NAV1: variants seen among roughly 807,000 people sequenced by gnomAD.
The protein encoded by NAV1 is neuron navigator 1, also known as pore membrane and/or filament interacting like protein 3.
Under a neutral mutation model 175.2 loss-of-function variants are expected in NAV1, and 18 were observed. That is an observed-to-expected ratio of 0.10 (90% confidence interval 0.07 to 0.15). The LOEUF (loss-of-function observed/expected upper bound fraction) is 0.15. Ranked by LOEUF, NAV1 falls within the 10% of genes least tolerant of loss-of-function variation. NAV1 has a pLI of 1.00. For synonymous variants in NAV1, 897 were observed against 978.7 expected, an observed-to-expected ratio of 0.92 and a Z score of 1.56; for missense variants, 1,731 against 2,436.6, an observed-to-expected ratio of 0.71 and a Z score of 6.10.
chr1:201,592,975 C>T (rs1232809625), intron 2 of NAV1, among the ~76,000 whole-genome samples: 2 of 152,120 alleles, frequency 1.3e-5, no homozygotes, highest in South Asian at 2.1e-4. Context: ...CTCCCTGTTC[C>T]TGATTACTGG....
intron 2 of NAV1, among the ~76,000 whole-genome samples, chr1:201,604,448 G>A (rs1282802698): frequency 2.0e-5 from 3 of 152,194 alleles, no homozygotes; most frequent in Non-Finnish European, 4.4e-5. Context: ...GGAGGCCGAG[G>A]TGGATAGTAG....
intron 1 of NAV1, among the ~76,000 whole-genome samples, chr1:201,684,998 C>T (rs186145186): frequency 4.7e-5 from 7 of 149,024 alleles, no homozygotes; most frequent in East Asian, 2.0e-4. Context: ...CAGTTCTGGC[C>T]GGGCGCGGTG....
At chr1:201,757,001 G>A (rs1674554533) in intron 3 of NAV1, among the ~76,000 whole-genome samples, 1 of 152,076 alleles carries the variant, frequency 6.6e-6, no homozygotes, top group Non-Finnish European at 1.5e-5. Context: ...TGGCATAGGA[G>A]TATGTTAAAG....
chr1:201,611,836 G>A (rs770718482), intron 2 of NAV1, among the ~76,000 whole-genome samples: 7 of 152,168 alleles, frequency 4.6e-5, no homozygotes, highest in Non-Finnish European at 7.3e-5. Context: ...TGGGAAATGG[G>A]CCAAAGGCGA....
chr1:201,616,007 G>GT (rs141764383), intron 2 of NAV1, among the ~76,000 whole-genome samples: 13,679 of 148,606 alleles, frequency 0.092, 788 homozygotes, highest in African/African-American at 0.17. Context: ...GAAAAAGAAG[G>GT]TTTTTTTTTT....
chr1:201,702,124 T>C lies in NAV1; in HGVS notation c.758-10693T>C, dbSNP rs575101656. ...GTTGTGCTAAGTGGAAGAAGCCAGA[T>C]GCAAAAGGCCACATATTGCATGATT... is the stretch of plus-strand genomic sequence containing the variant. On this transcript the variant is annotated intron_variant, in intron 1 of 29. Coordinates refer to ENST00000367296, the Ensembl canonical transcript of NAV1. Among the ~76,000 whole-genome samples, 28 of 152,306 alleles carry C rather than the reference T, an allele frequency of 1.8e-4. 1 individual carries two copies. In the East Asian group the frequency reaches 5.2e-3, roughly 28 times the overall value.
chr1:201,685,393 A>G (rs1161207486), intron 1 of NAV1, among the ~76,000 whole-genome samples: 2 of 152,210 alleles, frequency 1.3e-5, no homozygotes, highest in Admixed American at 6.5e-5. Context: ...CAGCCCCATC[A>G]CAGATGTGCA....
intron 1 of NAV1, among the ~76,000 whole-genome samples, chr1:201,700,615 A>G (rs1004497102): frequency 2.0e-5 from 3 of 152,220 alleles, no homozygotes; most frequent in African/African-American, 7.2e-5. Flanking sequence ...AAATCATGCT[A>G]CTATAAAGAC....
Position 201,788,521 on chromosome 1 carries a change from A to T in NAV1, c.3049A>T (p.Thr1017Ser), listed in dbSNP as rs577756420. 1.9e-6 allele frequency: 3 copies of T among 1,613,552 alleles called. No homozygotes were observed. In the East Asian group the frequency reaches 6.7e-5, roughly 36 times the overall value. ...AATCACCCGCTCCAACAGCATCCCC[A>T]CCCACGAGGCGGCCTTCGAGCTGTA... The change falls in exon 10 of 30, where the codon ACC (threonine) becomes TCC (serine). Residue 1017 changes from threonine to serine, a missense_variant. By Grantham distance (58) the Thr-to-Ser change is moderately conservative. This residue lies in a region of NAV1 where 634 missense variants were observed against 766.8 expected (regional missense o/e 0.83). Coordinates refer to ENST00000367296, the Ensembl canonical transcript of NAV1. This position sits in a 1 kb window ranked among gnomAD's most constrained non-coding sequence, Gnocchi z 5.7.
At chr1:201,587,115 G>A (rs536287846) in intron 1 of NAV1, among the ~76,000 whole-genome samples, 2 of 152,218 alleles carry the variant, frequency 1.3e-5, no homozygotes, top group Non-Finnish European at 2.9e-5. Flanking sequence ...GGAAGCTGAG[G>A]TGGGAAGAAG....
At chr1:201,823,363 CGTGTGTGTGTGTGT>C (rs4025040) in exon 30 of NAV1, 1 of 115,018 alleles carries the variant, frequency 8.7e-6, no homozygotes, top group Non-Finnish European at 2.2e-5. Context: ...CTGATGTCTG[CGTGTGTGTGTGTGT>C]GTGTGTGTGT....
intron 3 of NAV1, among the ~76,000 whole-genome samples, chr1:201,736,424 C>T (rs886856209): frequency 2.0e-5 from 3 of 152,178 alleles, no homozygotes; most frequent in African/African-American, 7.2e-5. Context: ...TAACCAACCA[C>T]ATCAACCTCT....
intron 1 of NAV1, among the ~76,000 whole-genome samples, chr1:201,650,702 G>A (rs1284286301): frequency 6.6e-6 from 1 of 152,208 alleles, no homozygotes; most frequent in Non-Finnish European, 1.5e-5. Context: ...TCCTGTGTGG[G>A]CTAGGATGAG....
Position 201,809,342 on chromosome 1 carries a change from C to T in NAV1, c.4305+81C>T, listed in dbSNP as rs1441342070. The T allele has an allele frequency of 3.1e-6, 5 of 1,589,468 alleles. No individual in the cohort carries two copies. In the African/African-American group the frequency reaches 6.7e-5, roughly 21 times the overall value. ...CCAAGAAAATCTGGACCCTGGGTAC[C>T]TCCAAAACCAAAGAACTCAACTCCT... On this transcript the variant is annotated intron_variant, in intron 21 of 29. Coordinates refer to ENST00000367296, the Ensembl canonical transcript of NAV1.
intron 2 of NAV1, among the ~76,000 whole-genome samples, chr1:201,609,622 G>A (rs942348837): frequency 2.0e-5 from 3 of 152,194 alleles, no homozygotes; most frequent in Admixed American, 1.3e-4. Flanking sequence ...AAGCAAGTGT[G>A]AGAAAGATGG....
At chr1:201,585,064 T>C (rs1666984517) in intron 1 of NAV1, among the ~76,000 whole-genome samples, 1 of 150,620 alleles carries the variant, frequency 6.6e-6, no homozygotes, top group Admixed American at 6.6e-5. Context: ...CTGTCTTGAG[T>C]TCCCCATTCG....
chr1:201,687,949 T>C (rs906507785), intron 1 of NAV1, among the ~76,000 whole-genome samples: 1 of 152,250 alleles, frequency 6.6e-6, no homozygotes, highest in Non-Finnish European at 1.5e-5. Context: ...GATTCTGCTG[T>C]ATGTAATTAA....
At chr1:201,550,112 C>G (rs1235565806) in intron 1 of NAV1, among the ~76,000 whole-genome samples, 1 of 151,748 alleles carries the variant, frequency 6.6e-6, no homozygotes, top group Non-Finnish European at 1.5e-5. Flanking sequence ...GCACCCAACA[C>G]CCTACATCCC....
chr1:201,693,240 A>G (rs1167960598), intron 1 of NAV1, among the ~76,000 whole-genome samples: 1 of 152,230 alleles, frequency 6.6e-6, no homozygotes, highest in African/African-American at 2.4e-5. Flanking sequence ...ATGGATGTGT[A>G]AAGAGGTGTG....
Sources: gnomAD v4.1 joint callset for allele counts (sites outside exome capture counted in the v4.1 genomes callset) on GRCh38, gnomAD v4.1.1 for gene constraint, gnomAD v4.1.1 regional missense constraint, Gnocchi (gnomAD v3.1) non-coding constraint, MANE v1.5 for transcripts, NCBI Gene and HGNC (gene_info 2026-07-23, HGNC 2026-07-21) for gene names.